ZNF595: variants seen among roughly 807,000 people sequenced by gnomAD.
The protein encoded by ZNF595 is zinc finger protein 595.
Under a neutral mutation model 19.4 loss-of-function variants are expected in ZNF595, and 9 were observed. The ratio of observed to expected loss-of-function variants is 0.46; its 90% CI spans 0.28 to 0.81. The LOEUF (loss-of-function observed/expected upper bound fraction) is 0.81. Ranked by LOEUF, ZNF595 falls within the 30% of genes least tolerant of loss-of-function variation. The probability of loss-of-function intolerance (pLI) is 0.11; values close to 1 mark genes in which losing one functional copy is unlikely to be tolerated. For missense variants in ZNF595, 729 were observed against 736.0 expected (o/e 0.99, Z 0.11); for synonymous variants, 255 against 255.9 (o/e 1.00, Z 0.03).
Position 86,030 on chromosome 4 carries a change from A to C in ZNF595, c.526A>C (p.Thr176Pro). 6.2e-7 allele frequency: 1 copy of C among 1,610,188 alleles called. No individual in the cohort carries two copies. The highest frequency in any genetic ancestry group is 8.5e-7 in the Non-Finnish European group (1 of 1,177,722). ...RHTGEKPFKC[T>P]ECGRSFYMSH... The stretch of plus-strand genomic sequence containing the variant: ...TACTGGAGAGAAACCCTTTAAATGT[A>C]CAGAATGTGGCAGATCGTTTTACAT... Residue 176 changes from threonine to proline, a missense_variant, in exon 4 of 4, where the codon ACA becomes CCA. Physicochemically the swap from Thr to Pro is conservative, Grantham distance 38. Coordinates refer to ENST00000610261, the MANE Select transcript of ZNF595 (RefSeq NM_182524.4).
chr4:64,441 A>T (rs1483650935), intron 3 of ZNF595, among the ~76,000 whole-genome samples: 4 of 152,272 alleles, frequency 2.6e-5, no homozygotes, highest in Non-Finnish European at 5.9e-5. Flanking sequence ...TAGTATAAAA[A>T]TAAGGAACTT....
At chr4:66,971 G>C (rs1381631053) in intron 3 of ZNF595, among the ~76,000 whole-genome samples, 1 of 145,844 alleles carries the variant, frequency 6.9e-6, no homozygotes, top group Non-Finnish European at 1.5e-5. Context: ...TTTTCACAAA[G>C]TATTATTTTT....
At chr4:77,879 C>G (rs1006427600) in intron 3 of ZNF595, among the ~76,000 whole-genome samples, 2 of 152,224 alleles carry the variant, frequency 1.3e-5, no homozygotes, top group African/African-American at 4.8e-5. Flanking sequence ...AATGCTCTAA[C>G]CTGGTCATTG....
intron 3 of ZNF595, among the ~76,000 whole-genome samples, chr4:71,419 G>A (rs1337403332): frequency 6.6e-6 from 1 of 152,026 alleles, no homozygotes; most frequent in Non-Finnish European, 1.5e-5. Context: ...GTCTTCTTCA[G>A]GTGCAGACAC....
chr4:83,707 C>T (rs1306503119), intron 3 of ZNF595, among the ~76,000 whole-genome samples: 1 of 149,468 alleles, frequency 6.7e-6, no homozygotes, highest in Non-Finnish European at 1.5e-5. Flanking sequence ...AATTTATTTG[C>T]ATGTATTTCC....
At chr4:82,794 G>C (rs1358900363) in intron 3 of ZNF595, among the ~76,000 whole-genome samples, 3 of 152,086 alleles carry the variant, frequency 2.0e-5, no homozygotes, top group African/African-American at 7.2e-5. Flanking sequence ...AGCCTAACAG[G>C]TGGTCTATCA....
intron 1 of ZNF595, among the ~76,000 whole-genome samples, chr4:55,137 T>A (rs1461378762): frequency 1.3e-5 from 2 of 152,076 alleles, no homozygotes. Flanking sequence ...CCCTCCCGCC[T>A]CGGCCTGCCA....
chr4:81,303 A>G (rs1362224517), intron 3 of ZNF595, among the ~76,000 whole-genome samples: 3 of 152,188 alleles, frequency 2.0e-5, no homozygotes, highest in African/African-American at 7.2e-5. Context: ...TTTCCAATAT[A>G]AGAGTCTCTG....
chr4:69,517 C>A (rs1581371903), intron 3 of ZNF595, among the ~76,000 whole-genome samples: 1 of 152,094 alleles, frequency 6.6e-6, no homozygotes, highest in African/African-American at 2.4e-5. Flanking sequence ...TCGTCATATA[C>A]CTTTTTGTTA....
chr4:74,615 G>A (rs10001263), intron 3 of ZNF595, among the ~76,000 whole-genome samples: 14,761 of 152,228 alleles, frequency 0.097, 776 homozygotes, highest in South Asian at 0.17. Context: ...GAGACATAAG[G>A]CAGCAATCGA....
intron 3 of ZNF595, among the ~76,000 whole-genome samples, chr4:71,286 CTTCT>C (rs1173672546): frequency 1.3e-5 from 2 of 152,082 alleles, no homozygotes; most frequent in African/African-American, 4.8e-5. Context: ...TATAATTTGA[CTTCT>C]TTCTTTCCAA....
intron 3 of ZNF595, among the ~76,000 whole-genome samples, chr4:60,815 A>G (rs1581322352): frequency 6.6e-6 from 1 of 152,054 alleles, no homozygotes; most frequent in Non-Finnish European, 1.5e-5. Flanking sequence ...ATGAAAAAAT[A>G]TGTTATTTTA....
intron 3 of ZNF595, among the ~76,000 whole-genome samples, chr4:76,988 C>T (rs1713693422): frequency 6.6e-6 from 1 of 152,102 alleles, no homozygotes. Flanking sequence ...TGTCTGTATT[C>T]CTTCTAAGAT....
At chr4:73,185 A>G (rs1486347744) in intron 3 of ZNF595, among the ~76,000 whole-genome samples, 11 of 151,932 alleles carry the variant, frequency 7.2e-5, no homozygotes, top group African/African-American at 7.2e-5. Context: ...AAGACCTGCA[A>G]GCATCTCCAA....
intron 3 of ZNF595, among the ~76,000 whole-genome samples, chr4:72,802 A>G (rs1225992008): frequency 6.6e-6 from 1 of 152,166 alleles, no homozygotes; most frequent in Non-Finnish European, 1.5e-5. Flanking sequence ...GTATAAAATG[A>G]AGGGAATAAC....
In ZNF595 at chr4:86,978, T is replaced by A. The variant is rs1264269716; in HGVS notation, c.1474T>A (p.Ser492Thr). The A allele has an allele frequency of 3.7e-6, 6 of 1,613,642 alleles. No individual in the cohort carries two copies. Among genetic ancestry groups the A allele is most frequent in the Non-Finnish European group, 5.1e-6 (6 of 1,179,930 alleles). Residue 492 changes from serine (S) to threonine (T), a missense_variant, in exon 4 of 4, where the codon TCC becomes ACC. Physicochemically the swap from Ser to Thr is moderately conservative, Grantham distance 58. Coordinates refer to ENST00000610261, the MANE Select transcript of ZNF595 (RefSeq NM_182524.4). The stretch of plus-strand genomic sequence containing the variant: ...AGAATGTGGCAAAGCTTTCATATGG[T>A]CCGCAAGCCTGAATGAACATAAGAA... ...CEECGKAFIW[S>T]ASLNEHKNIH...
At chr4:80,063 C>T (rs1338973082) in intron 3 of ZNF595, among the ~76,000 whole-genome samples, 1 of 152,070 alleles carries the variant, frequency 6.6e-6, no homozygotes, top group Non-Finnish European at 1.5e-5. Flanking sequence ...ACTCTTGTTG[C>T]CCAGGCTGGA....
intron 3 of ZNF595, among the ~76,000 whole-genome samples, chr4:68,738 ATTTG>A (rs1323715778): frequency 5.3e-5 from 8 of 152,344 alleles, no homozygotes; most frequent in East Asian, 3.9e-4. Flanking sequence ...TGCCTCAACT[ATTTG>A]TTCTTTATTT....
At chr4:75,280 G>C (rs1713601571) in intron 3 of ZNF595, among the ~76,000 whole-genome samples, 1 of 152,198 alleles carries the variant, frequency 6.6e-6, no homozygotes, top group South Asian at 2.1e-4. Flanking sequence ...AGTTTGCTTA[G>C]CGCACAATCC....
Sources: gnomAD v4.1 joint callset for allele counts (sites outside exome capture counted in the v4.1 genomes callset) on GRCh38, gnomAD v4.1.1 for gene constraint, MANE v1.5 for transcripts, NCBI Gene and HGNC (gene_info 2026-07-23, HGNC 2026-07-21) for gene names.